TNRC6C: variants seen among roughly 807,000 people sequenced by gnomAD.
The protein encoded by TNRC6C is trinucleotide repeat-containing gene 6C protein.
Under a neutral mutation model 153.7 loss-of-function variants are expected in TNRC6C, and 20 were observed. That is an observed-to-expected ratio of 0.13 (90% CI 0.09 to 0.19). The LOEUF (loss-of-function observed/expected upper bound fraction) is 0.19, where lower values mean the gene tolerates loss of function less well. TNRC6C is among the 10% of genes least tolerant of loss of function. The pLI is 1.00. For synonymous variants in TNRC6C, 811 were observed against 841.4 expected (o/e 0.96, Z 0.63); for missense variants, 1,987 against 2,172.0 (o/e 0.91, Z 1.69).
At chr17:78,000,478 C>T (rs2071393557), upstream of TNRC6C, among the ~76,000 whole-genome samples, 1 of 151,996 alleles carries the variant, frequency 6.6e-6, no homozygotes, top group South Asian at 2.1e-4. Flanking sequence ...CAGTTCCGTC[C>T]CCTTCTCTTT....
Position 78,018,315 on chromosome 17 carries a change from A to C in TNRC6C, c.-545-13201A>C, listed in dbSNP as rs185828191. 4.2e-3 allele frequency among the ~76,000 whole-genome samples: 643 copies of C among 152,192 alleles called. 5 individuals carry two copies. Among genetic ancestry groups the C allele is most frequent in the African/African-American group, 0.014 (590 of 41,494 alleles). ...CTAACTTTTGTATTTTTTTGAGTGGAGATGGGGTTTCACCATATTGGCCAG... is the reference window on the plus strand; with the variant it reads ...CTAACTTTTGTATTTTTTTGAGTGGCGATGGGGTTTCACCATATTGGCCAG... On this transcript the variant is annotated intron_variant, in intron 1 of 19. Coordinates refer to ENST00000301624, the Ensembl canonical transcript of TNRC6C.
chr17:78,085,532 GA>G (rs1307684664), intron 11 of TNRC6C, among the ~76,000 whole-genome samples: 1 of 151,656 alleles, frequency 6.6e-6, no homozygotes, highest in Non-Finnish European at 1.5e-5. Context: ...CATGTTGTAA[GA>G]AAAAAAATCA....
chr17:78,025,547 A>G (rs2071925179), intron 1 of TNRC6C, among the ~76,000 whole-genome samples: 1 of 152,158 alleles, frequency 6.6e-6, no homozygotes, highest in African/African-American at 2.4e-5. Flanking sequence ...TGCTATAAAC[A>G]TTTGTGTGCA....
At chr17:77,988,421 C>G (rs941152721) in intron 1 of TNRC6C, among the ~76,000 whole-genome samples, 4 of 152,162 alleles carry the variant, frequency 2.6e-5, no homozygotes, top group Admixed American at 2.6e-4. Context: ...TCCATTGCAT[C>G]TTCTTCCCAG....
chr17:78,076,424 A>G (rs2073086580), intron 8 of TNRC6C, among the ~76,000 whole-genome samples: 1 of 152,184 alleles, frequency 6.6e-6, no homozygotes, highest in South Asian at 2.1e-4. Context: ...TGAAATTGGA[A>G]TTACAGATAA....
At chr17:78,107,247 G>A (rs1169715064) in exon 20 of TNRC6C, 2 of 152,052 alleles carry the variant, frequency 1.3e-5, no homozygotes, top group African/African-American at 4.8e-5. Flanking sequence ...GTTTTGTTGG[G>A]TTTGAGGGGT....
intron 1 of TNRC6C, among the ~76,000 whole-genome samples, chr17:78,020,978 G>A (rs2143549007): frequency 6.6e-6 from 1 of 152,274 alleles, no homozygotes; most frequent in Non-Finnish European, 1.5e-5. Context: ...GTTCATTGTT[G>A]ATTCACTTAA....
At chr17:78,070,553 A>G (rs1325201282) in intron 5 of TNRC6C, among the ~76,000 whole-genome samples, 1 of 147,798 alleles carries the variant, frequency 6.8e-6, no homozygotes, top group African/African-American at 2.5e-5. Context: ...CCTCTCCTTC[A>G]CTGACATTTT....
chr17:78,057,099 A>C (rs2072674251), intron 3 of TNRC6C, among the ~76,000 whole-genome samples: 1 of 152,176 alleles, frequency 6.6e-6, no homozygotes, highest in Admixed American at 6.5e-5. Context: ...AAGTTACACA[A>C]ATTTTTTTCC....
chr17:78,070,327 T>G (rs1228320967), intron 5 of TNRC6C, among the ~76,000 whole-genome samples: 1 of 152,232 alleles, frequency 6.6e-6, no homozygotes, highest in Non-Finnish European at 1.5e-5. Context: ...TAGAGCTCCA[T>G]ATGCTCCATG....
At chr17:77,981,094 G>C (rs1487082706) in intron 1 of TNRC6C, among the ~76,000 whole-genome samples, 1 of 152,110 alleles carries the variant, frequency 6.6e-6, no homozygotes, top group Admixed American at 6.5e-5. Flanking sequence ...TCCCACCTCA[G>C]CCTCCTGAGT....
At chr17:77,996,327 AGAG>A (rs1367322538) in intron 1 of TNRC6C, among the ~76,000 whole-genome samples, 3 of 152,198 alleles carry the variant, frequency 2.0e-5, no homozygotes, top group African/African-American at 7.2e-5. Context: ...GAGAAAAAAA[AGAG>A]GAACATTTGG....
intron 1 of TNRC6C, among the ~76,000 whole-genome samples, chr17:78,013,129 CTG>C (rs1454080412): frequency 6.6e-6 from 1 of 152,142 alleles, no homozygotes; most frequent in African/African-American, 2.4e-5. Flanking sequence ...AGAGTTGAAA[CTG>C]TTTTTCAGCT....
At chr17:78,053,401 G>A (rs1047156090) in intron 3 of TNRC6C, among the ~76,000 whole-genome samples, 8 of 152,084 alleles carry the variant, frequency 5.3e-5, no homozygotes, top group Admixed American at 1.3e-4. Context: ...AGGCCAAGGC[G>A]GGCAGATCAT....
chr17:78,056,654 A>G (rs1050761004), intron 3 of TNRC6C, among the ~76,000 whole-genome samples: 1 of 151,590 alleles, frequency 6.6e-6, no homozygotes, highest in African/African-American at 2.4e-5. Context: ...TTTAGTAGAG[A>G]CGGGGTTTCA....
At chr17:78,015,481 T>C (rs2071710729) in intron 1 of TNRC6C, among the ~76,000 whole-genome samples, 1 of 152,256 alleles carries the variant, frequency 6.6e-6, no homozygotes, top group African/African-American at 2.4e-5. Flanking sequence ...CTTGTTATTA[T>C]ACTTTAGGCT....
intron 1 of TNRC6C, among the ~76,000 whole-genome samples, chr17:77,961,647 A>G (rs2070863761): frequency 6.6e-6 from 1 of 152,192 alleles, no homozygotes; most frequent in Non-Finnish European, 1.5e-5. Context: ...GGTTTCGAGT[A>G]GCATATGTCT....
At chr17:78,038,158 AGACT>A (rs1200806691) in intron 2 of TNRC6C, among the ~76,000 whole-genome samples, 2 of 152,238 alleles carry the variant, frequency 1.3e-5, no homozygotes, top group African/African-American at 4.8e-5. Context: ...ATGAAAAGAA[AGACT>A]GACAAGTTTG....
At chr17:77,999,474 C>G (rs1481562214), upstream of TNRC6C, among the ~76,000 whole-genome samples, 2 of 152,090 alleles carry the variant, frequency 1.3e-5, no homozygotes, top group Non-Finnish European at 2.9e-5. Context: ...TATACTTTGT[C>G]CAGTTTCGTT....
Sources: allele counts gnomAD v4.1 joint callset (sites outside exome capture counted in the v4.1 genomes callset), GRCh38; gene constraint gnomAD v4.1.1; transcripts MANE v1.5; gene names NCBI Gene and HGNC (gene_info 2026-07-23, HGNC 2026-07-21).